The following THRB variants were observed in gnomAD, a reference collection of about 807,000 sequenced individuals.
The protein encoded by THRB is thyroid hormone receptor beta.
A neutral mutation model predicts 47.8 loss-of-function variants in THRB; 12 were observed. The observed-to-expected ratio is 0.25, with a 90% CI of 0.16 to 0.41. THRB has a LOEUF of 0.41. Ranked by LOEUF, THRB falls within the 10% of genes least tolerant of loss-of-function variation. The pLI is 1.00. For missense variants in THRB, 348 were observed against 589.2 expected, an observed-to-expected ratio of 0.59 and a Z score of 4.24; for synonymous variants, 218 against 212.2, an observed-to-expected ratio of 1.03 and a Z score of -0.24.
chr3:24,211,597 C>G (rs950795523), intron 4 of THRB, among the ~76,000 whole-genome samples: 4 of 152,168 alleles, frequency 2.6e-5, no homozygotes, highest in African/African-American at 7.2e-5. Flanking sequence ...GCAGACACAG[C>G]TTGAAAAAAT....
rs61183601 is a variant in THRB at position 24,201,825 on chromosome 3, A to AT, written c.23-11492dup. ...CACCAAGATTTCAGATTATACTTCC[A>AT]TTTTTTTTTGTCGGTTTCTCCTCTA... On this transcript the variant is annotated intron_variant, in intron 4 of 10. Transcript: ENST00000646209. Among the ~76,000 whole-genome samples the AT allele has an allele frequency of 1.7e-3, 253 of 151,508 alleles. 2 individuals are homozygous for AT. In the East Asian group the frequency reaches 0.029, roughly 17 times the overall value.
intron 3 of THRB, among the ~76,000 whole-genome samples, chr3:24,264,459 C>G (rs773519032): frequency 1.3e-5 from 2 of 152,108 alleles, no homozygotes; most frequent in African/African-American, 4.8e-5. Flanking sequence ...CAGCTTTACC[C>G]TGACACTTGG....
intron 1 of THRB, among the ~76,000 whole-genome samples, chr3:24,450,279 A>G (rs1161139026): frequency 1.3e-5 from 2 of 152,212 alleles, no homozygotes; most frequent in African/African-American, 4.8e-5. Flanking sequence ...TACACACTCA[A>G]AAAGAAATTC....
chr3:24,467,691 G>A (rs1214095841), intron 1 of THRB, among the ~76,000 whole-genome samples: 1 of 152,198 alleles, frequency 6.6e-6, no homozygotes, highest in Non-Finnish European at 1.5e-5. Context: ...TGAGTAGTAG[G>A]TCTCAACAGT....
At chr3:24,211,957 C>G (rs963509923) in intron 4 of THRB, among the ~76,000 whole-genome samples, 2 of 134,550 alleles carry the variant, frequency 1.5e-5, no homozygotes, top group African/African-American at 5.0e-5. Context: ...ACCAGTTCAA[C>G]TTTATTTATA....
At chr3:24,308,399 G>A (rs2057512491) in intron 2 of THRB, among the ~76,000 whole-genome samples, 1 of 152,156 alleles carries the variant, frequency 6.6e-6, no homozygotes, top group Non-Finnish European at 1.5e-5. Flanking sequence ...AAGTGTCTTT[G>A]CCAAGCCTTG....
At chr3:24,300,966 A>G (rs1169049628) in intron 2 of THRB, among the ~76,000 whole-genome samples, 1 of 152,198 alleles carries the variant, frequency 6.6e-6, no homozygotes, top group Admixed American at 6.5e-5. Flanking sequence ...ACATGAAATT[A>G]TCCTGGCTTA....
intron 2 of THRB, among the ~76,000 whole-genome samples, chr3:24,310,382 C>T (rs1423880788): frequency 6.6e-6 from 1 of 152,156 alleles, no homozygotes; most frequent in East Asian, 1.9e-4. Context: ...GAAGACTTCC[C>T]TTTAATTCAA....
chr3:24,460,276 T>C (rs1171444220), intron 1 of THRB, among the ~76,000 whole-genome samples: 1 of 152,188 alleles, frequency 6.6e-6, no homozygotes, highest in African/African-American at 2.4e-5. Flanking sequence ...TTTCATACCA[T>C]ACTGGGTAAA....
intron 1 of THRB, among the ~76,000 whole-genome samples, chr3:24,441,038 C>T (rs77078718): frequency 1.3e-5 from 2 of 152,250 alleles, no homozygotes; most frequent in African/African-American, 4.8e-5. Flanking sequence ...GGTCTCCTAA[C>T]CTCACTGGTT....
chr3:24,195,702 C>T (rs12632086), intron 4 of THRB, among the ~76,000 whole-genome samples: 13,515 of 152,222 alleles, frequency 0.089, 1,050 homozygotes, highest in African/African-American at 0.2. Context: ...TCACCCATGG[C>T]TCTGCCCCCT....
chr3:24,222,466 G>A (rs555974517), intron 4 of THRB, among the ~76,000 whole-genome samples: 6 of 152,228 alleles, frequency 3.9e-5, no homozygotes, highest in South Asian at 4.2e-4. Context: ...TGACTGCAGC[G>A]GGGAGGGGAG....
intron 2 of THRB, among the ~76,000 whole-genome samples, chr3:24,306,971 C>A (rs1391477302): frequency 6.6e-6 from 1 of 151,852 alleles, no homozygotes; most frequent in Non-Finnish European, 1.5e-5. Flanking sequence ...AAAAGCAAAC[C>A]ACAATTACAG....
chr3:24,472,409 C>G (rs1694835881), intron 1 of THRB, among the ~76,000 whole-genome samples: 1 of 152,212 alleles, frequency 6.6e-6, no homozygotes. Flanking sequence ...TCAGTAACTT[C>G]TGCAAGAATC....
intron 10 of THRB, among the ~76,000 whole-genome samples, chr3:24,127,013 T>C (rs1035347531): frequency 1.8e-4 from 27 of 152,344 alleles, no homozygotes; most frequent in Non-Finnish European, 3.4e-4. Flanking sequence ...ACTCCAGCCA[T>C]CTTGGATGTT....
chr3:24,184,057 T>TTTGTAAACACACAA (rs141894034), intron 5 of THRB, among the ~76,000 whole-genome samples: 5,421 of 152,270 alleles, frequency 0.036, 121 homozygotes, highest in East Asian at 0.065. Context: ...TCTGTGCACA[T>TTTGTAAACACACAA]TTGTAAACAC....
At chr3:24,416,201 A>G (rs1284708012) in intron 1 of THRB, among the ~76,000 whole-genome samples, 1 of 151,834 alleles carries the variant, frequency 6.6e-6, no homozygotes, top group African/African-American at 2.4e-5. Context: ...AAGGACCTGT[A>G]AGGAGTAGAT....
intron 1 of THRB, among the ~76,000 whole-genome samples, chr3:24,479,291 G>A (rs1696005146): frequency 6.6e-6 from 1 of 152,242 alleles, no homozygotes; most frequent in Non-Finnish European, 1.5e-5. Flanking sequence ...GACAGAGCGA[G>A]ACTCCGTCTC....
chr3:24,183,485 G>A (rs1310987922), intron 5 of THRB, among the ~76,000 whole-genome samples: 14 of 148,846 alleles, frequency 9.4e-5, no homozygotes, highest in South Asian at 2.1e-4. Context: ...CTCCTGCCTC[G>A]GCCTCCTGAG....
Sources: allele counts gnomAD v4.1 joint callset (sites outside exome capture counted in the v4.1 genomes callset), GRCh38; gene constraint gnomAD v4.1.1; transcripts MANE v1.5; gene names NCBI Gene and HGNC (gene_info 2026-07-23, HGNC 2026-07-21).